INTS4: variants seen among roughly 807,000 people sequenced by gnomAD.
The protein encoded by INTS4 is MSTP093.
Under a neutral mutation model 119.5 loss-of-function variants are expected in INTS4, and 70 were observed. The observed-to-expected ratio is 0.59, with a 90% confidence interval of 0.48 to 0.71. The LOEUF (loss-of-function observed/expected upper bound fraction) is 0.71. INTS4 is among the 30% of genes least tolerant of loss of function. The pLI is 0.00. For missense variants in INTS4, 867 were observed against 1,173.2 expected, an observed-to-expected ratio of 0.74 and a Z score of 3.81; for synonymous variants, 316 against 419.6, an observed-to-expected ratio of 0.75 and a Z score of 3.02.
chr11:77,966,349 T>C lies in INTS4; in HGVS notation c.472-5211A>G, dbSNP rs148272352. 3.2e-3 allele frequency among the ~76,000 whole-genome samples: 495 copies of C among 152,342 alleles called. 1 individual carries two copies. The highest frequency in any genetic ancestry group is 0.024 in the Middle Eastern group (7 of 294). ...GTGGTTGGTTGGTTGCCTGCTCTTT[T>C]AAAGTCACAACAAAAAATCATTGCC... On this transcript the variant is annotated intron_variant, in intron 4 of 22. Coordinates refer to ENST00000534064, the MANE Select transcript of INTS4 (RefSeq NM_033547.4).
At chr11:77,928,014 A>C (rs1953551253) in intron 11 of INTS4, among the ~76,000 whole-genome samples, 2 of 152,170 alleles carry the variant, frequency 1.3e-5, no homozygotes, top group Admixed American at 1.3e-4. Context: ...CAAAAGAAGA[A>C]GGCAAAAAAA....
chr11:77,960,857 C>A, intron 5 of INTS4, 96 bp downstream of exon 5: 1 of 1,109,586 alleles, frequency 9.0e-7, no homozygotes, highest in Non-Finnish European at 1.3e-6. Context: ...AAAGTATATG[C>A]TGAAGAATTT....
At chr11:77,928,718 G>A (rs182379388) in intron 10 of INTS4, among the ~76,000 whole-genome samples, 171 bp from the exon 11 acceptor site, 266 of 152,248 alleles carry the variant, frequency 1.7e-3, no homozygotes, top group African/African-American at 6.0e-3. Flanking sequence ...GTGTGGTAGC[G>A]TGCGCCTGTT....
intron 8 of INTS4, among the ~76,000 whole-genome samples, chr11:77,949,536 AC>A (rs1954135909): frequency 6.6e-6 from 1 of 151,052 alleles, no homozygotes; most frequent in African/African-American, 2.4e-5. Flanking sequence ...AAAAAAAAAA[AC>A]CATCAAAAAG....
intron 21 of INTS4, among the ~76,000 whole-genome samples, chr11:77,886,274 G>C (rs898607452): frequency 1.3e-5 from 2 of 152,126 alleles, no homozygotes; most frequent in African/African-American, 4.8e-5. Flanking sequence ...TCACTCCTCT[G>C]TGAAATGGTT....
intron 21 of INTS4, among the ~76,000 whole-genome samples, chr11:77,890,787 G>C (rs1301753644): frequency 6.6e-6 from 1 of 152,204 alleles, no homozygotes; most frequent in Non-Finnish European, 1.5e-5. Flanking sequence ...TGAAGTAGTA[G>C]TACTCTTTGT....
downstream of INTS4, among the ~76,000 whole-genome samples, chr11:77,878,117 T>C (rs200548206): frequency 2.0e-3 from 307 of 152,140 alleles, no homozygotes; most frequent in South Asian, 8.7e-3. Context: ...AATCCCAGCA[T>C]TTTGGGAGGC....
intron 15 of INTS4, among the ~76,000 whole-genome samples, chr11:77,916,822 T>C (rs1276989139): frequency 2.0e-5 from 3 of 152,282 alleles, no homozygotes; most frequent in Non-Finnish European, 4.4e-5. Context: ...TATGCTTCTC[T>C]TCACTGTATC....
At chr11:77,901,157 T>TA (rs1370336887) in intron 18 of INTS4, among the ~76,000 whole-genome samples, 1 of 152,208 alleles carries the variant, frequency 6.6e-6, no homozygotes, top group Non-Finnish European at 1.5e-5. Context: ...TATTGCCAGA[T>TA]AAAGTCCAGT....
chr11:77,920,930 T>C (rs1313010818), intron 14 of INTS4, among the ~76,000 whole-genome samples: 1 of 151,396 alleles, frequency 6.6e-6, no homozygotes, highest in Non-Finnish European at 1.5e-5. Flanking sequence ...ATATAATCTA[T>C]TGTTCCAGGT....
At chr11:77,890,807 T>G (rs1893924) in intron 21 of INTS4, among the ~76,000 whole-genome samples, 1 of 152,244 alleles carries the variant, frequency 6.6e-6, no homozygotes, top group Non-Finnish European at 1.5e-5. Context: ...TGGGGCTTAA[T>G]TGCACTGTCT....
intron 4 of INTS4, among the ~76,000 whole-genome samples, chr11:77,970,194 C>T (rs187585440): frequency 9.2e-5 from 14 of 151,852 alleles, no homozygotes; most frequent in African/African-American, 3.1e-4. Flanking sequence ...GTCAAGAGCT[C>T]GAGACCAGGC....
chr11:77,972,008 A>G (rs905897274), intron 4 of INTS4, among the ~76,000 whole-genome samples: 48 of 152,202 alleles, frequency 3.2e-4, no homozygotes, highest in Admixed American at 1.6e-3. Flanking sequence ...AACACCATGC[A>G]TTGAAAAGAC....
intron 15 of INTS4, chr11:77,918,280 A>AG: frequency 1.7e-6 from 1 of 578,282 alleles, no homozygotes. Flanking sequence ...AAAAAAAAAA[A>AG]GCCAAAATTA....
intron 4 of INTS4, among the ~76,000 whole-genome samples, chr11:77,976,312 A>C (rs956700985): frequency 6.6e-6 from 1 of 152,248 alleles, no homozygotes; most frequent in Non-Finnish European, 1.5e-5. Flanking sequence ...AGCTGGGCAC[A>C]GTAGTTCACA....
intron 4 of INTS4, among the ~76,000 whole-genome samples, chr11:77,971,387 C>T (rs558845132): frequency 1.3e-5 from 2 of 152,022 alleles, no homozygotes; most frequent in Non-Finnish European, 1.5e-5. Flanking sequence ...GTGGCTCACG[C>T]TGTAATCCCA....
At position 77,956,043 on chromosome 11, in the gene INTS4, A is replaced by G. The variant is rs751070787; in HGVS notation, c.817T>C (p.Ser273Pro). ...YPESIVPIPS[S>P]NEEIRLVDDA... The stretch of plus-strand genomic sequence containing the variant: ...TCAACTAAGCGTATTTCTTCATTAG[A>G]AGAAGGAATTGGGACAATGCTAAAT... The change falls in exon 8 of 23, where the codon TCT becomes CCT. Residue 273 changes from serine (S) to proline (P), a missense_variant. Transcript: ENST00000534064. 1 of 1,603,630 alleles carries G rather than the reference A, an allele frequency of 6.2e-7. No homozygotes were observed. Among genetic ancestry groups the G allele is most frequent in the East Asian group, 2.2e-5 (1 of 44,858 alleles).
intron 21 of INTS4, among the ~76,000 whole-genome samples, chr11:77,887,122 G>C (rs1261157766): frequency 1.3e-5 from 2 of 151,958 alleles, no homozygotes; most frequent in African/African-American, 4.8e-5. Flanking sequence ...AGGAAATAGA[G>C]ACACAAAAAA....
chr11:77,978,909 A>G (rs573092467), intron 4 of INTS4, 87 bp downstream of exon 4: 853 of 751,908 alleles, frequency 1.1e-3, no homozygotes, highest in Non-Finnish European at 1.6e-3. Context: ...GATGAAAAAA[A>G]TAAGGCAGCT....
Sources: allele counts gnomAD v4.1 joint callset (sites outside exome capture counted in the v4.1 genomes callset), GRCh38; gene constraint gnomAD v4.1.1; transcripts MANE v1.5; gene names NCBI Gene and HGNC (gene_info 2026-07-23, HGNC 2026-07-21).